The following NFIB variants were observed in gnomAD, a reference collection of about 807,000 sequenced individuals.
NFIB encodes nuclear factor I B.
Under a neutral mutation model 61.5 loss-of-function variants are expected in NFIB, and 11 were observed. The ratio of observed to expected loss-of-function variants is 0.18; its 90% CI spans 0.11 to 0.30. The LOEUF (loss-of-function observed/expected upper bound fraction) is 0.30, where lower values mean the gene tolerates loss of function less well. Ranked by LOEUF, NFIB falls within the 10% of genes least tolerant of loss-of-function variation. The pLI is 1.00. For missense variants in NFIB, 471 were observed against 608.9 expected (o/e 0.77, Z 2.38); for synonymous variants, 260 against 216.5 (o/e 1.20, Z -1.76).
At chr9:14,133,845 A>T (rs916171360) in intron 6 of NFIB, among the ~76,000 whole-genome samples, 1 of 152,220 alleles carries the variant, frequency 6.6e-6, no homozygotes, top group African/African-American at 2.4e-5. Flanking sequence ...GTAGAGAATG[A>T]CAGCAATCCT....
chr9:14,494,011 T>A, the NFIB span, among the ~76,000 whole-genome samples: 3 of 152,188 alleles, frequency 2.0e-5, no homozygotes, highest in African/African-American at 7.2e-5. Flanking sequence ...TGGAAACGTA[T>A]CTCTTCTTCA....
intron 2 of NFIB, among the ~76,000 whole-genome samples, chr9:14,214,820 C>G (rs1216566196): frequency 6.6e-6 from 1 of 152,042 alleles, no homozygotes. Context: ...GCTGTTTATC[C>G]CACAGTCCAG....
the NFIB span, among the ~76,000 whole-genome samples, chr9:14,428,598 A>T: frequency 6.6e-6 from 1 of 152,186 alleles, no homozygotes; most frequent in East Asian, 1.9e-4. Flanking sequence ...GCATGGTGTG[A>T]TTTCTGAAAT....
At chr9:14,335,963 CCAAAGT>C (rs1301537365) in intron 1 of NFIB, among the ~76,000 whole-genome samples, 1 of 152,170 alleles carries the variant, frequency 6.6e-6, no homozygotes, top group Non-Finnish European at 1.5e-5. Context: ...AAACCTTTGT[CCAAAGT>C]CAGTTTTCCA....
intron 3 of NFIB, among the ~76,000 whole-genome samples, chr9:14,160,565 A>G (rs1335426355): frequency 1.3e-5 from 2 of 152,208 alleles, no homozygotes; most frequent in South Asian, 2.1e-4. Context: ...TTTTGGCTCA[A>G]TAAACAGATT....
rs1191814820 is a variant in NFIB at position 14,113,109 on chromosome 9, T to C, written c.1385-28A>G. The C allele has an allele frequency of 1.5e-5, 23 of 1,542,054 alleles. No individual in the cohort carries two copies. The Admixed American group carries it at 2.4e-4, about 16-fold the overall frequency. On this transcript the variant is annotated intron_variant, in intron 9 of 10. Coordinates refer to ENST00000380953, the MANE Select transcript of NFIB (RefSeq NM_001190737.2). Reference sequence around the variant, plus strand: ...GATTAAGGAAGAACAAAAACAAAGATAAAAATTGTGAACTATCAGAACGAA... The same window carrying C: ...GATTAAGGAAGAACAAAAACAAAGACAAAAATTGTGAACTATCAGAACGAA...
chr9:14,166,826 C>T (rs1011872218), intron 3 of NFIB, among the ~76,000 whole-genome samples: 1 of 152,146 alleles, frequency 6.6e-6, no homozygotes, highest in Non-Finnish European at 1.5e-5. Flanking sequence ...TTTCTTACTC[C>T]TCCGATGCAA....
chr9:14,202,953 T>TTATCATGGC (rs2049217204), intron 2 of NFIB, among the ~76,000 whole-genome samples: 1 of 152,218 alleles, frequency 6.6e-6, no homozygotes, highest in Admixed American at 6.5e-5. Flanking sequence ...ATAAGAATAA[T>TTATCATGGC]TATCATGGCG....
intron 2 of NFIB, among the ~76,000 whole-genome samples, chr9:14,285,667 AC>A (rs1289799827): frequency 1.3e-5 from 2 of 152,142 alleles, no homozygotes; most frequent in African/African-American, 4.8e-5. Flanking sequence ...TAAAGTATCT[AC>A]CTCATATGGT....
At chr9:14,345,025 T>C (rs1321692643) in intron 1 of NFIB, among the ~76,000 whole-genome samples, 1 of 152,080 alleles carries the variant, frequency 6.6e-6, no homozygotes, top group Admixed American at 6.5e-5. Flanking sequence ...TCCTAGAGAA[T>C]AAAAAGCCCA....
the NFIB span, among the ~76,000 whole-genome samples, chr9:14,425,865 C>T: frequency 2.0e-5 from 3 of 152,052 alleles, no homozygotes; most frequent in East Asian, 5.8e-4. Context: ...GAATGAAATA[C>T]ACTTAGGCTC....
the NFIB span, among the ~76,000 whole-genome samples, chr9:14,417,743 T>C: frequency 6.6e-6 from 1 of 151,586 alleles, no homozygotes; most frequent in East Asian, 1.9e-4. Flanking sequence ...GTGTCATAAA[T>C]TAAAATCTCT....
rs186833111 is a variant in NFIB, at chr9:14,143,646, A to G, written c.925+3043T>C. Among the ~76,000 whole-genome samples, 4 of 152,292 alleles carry G rather than the reference A, an allele frequency of 2.6e-5. No individual in the cohort carries two copies. The East Asian group carries it at 5.8e-4, about 22-fold the overall frequency. ...ACCAATAAATAGTTATTGAGTATCA[A>G]TTAGTGCAGGGCTTTGTAGGAGAAA... On this transcript the variant is annotated intron_variant, in intron 6 of 10. Transcript: ENST00000380953.
the NFIB span, among the ~76,000 whole-genome samples, chr9:14,503,088 G>GTATATATA: frequency 4.1e-5 from 6 of 147,370 alleles, no homozygotes; most frequent in African/African-American, 1.5e-4. Context: ...GTATTTTATG[G>GTATATATA]TATATATATA....
At chr9:14,279,321 C>A (rs1306355604) in intron 2 of NFIB, among the ~76,000 whole-genome samples, 1 of 152,060 alleles carries the variant, frequency 6.6e-6, no homozygotes, top group Non-Finnish European at 1.5e-5. Flanking sequence ...GTACATCATG[C>A]CTGGAAACTG....
At chr9:14,494,561 C>T in the NFIB span, among the ~76,000 whole-genome samples, 4 of 152,172 alleles carry the variant, frequency 2.6e-5, no homozygotes, top group African/African-American at 7.2e-5. Context: ...TGGAGTGCTA[C>T]GAAGCTGGCA....
the NFIB span, among the ~76,000 whole-genome samples, chr9:14,482,864 T>A: frequency 2.0e-5 from 3 of 152,220 alleles, no homozygotes; most frequent in Admixed American, 2.0e-4. Context: ...ACTACATAAT[T>A]TGTATTTGTA....
chr9:14,194,775 GA>G (rs2048304438), intron 2 of NFIB, among the ~76,000 whole-genome samples: 1 of 152,150 alleles, frequency 6.6e-6, no homozygotes, highest in Non-Finnish European at 1.5e-5. Flanking sequence ...GAAATGGGAT[GA>G]CAGCAAAGAA....
At chr9:14,220,561 C>A (rs1156926976) in intron 2 of NFIB, among the ~76,000 whole-genome samples, 1 of 152,140 alleles carries the variant, frequency 6.6e-6, no homozygotes, top group African/African-American at 2.4e-5. Context: ...TTCTTCTCTG[C>A]TATCTCTCTG....
Sources: gnomAD v4.1 joint callset for allele counts (sites outside exome capture counted in the v4.1 genomes callset) on GRCh38, gnomAD v4.1.1 for gene constraint, MANE v1.5 for transcripts, NCBI Gene and HGNC (gene_info 2026-07-23, HGNC 2026-07-21) for gene names.